The following OR6K3 variants were observed in gnomAD, a reference collection of about 807,000 sequenced individuals.
The protein encoded by OR6K3 is olfactory receptor 6K3.
For synonymous variants in OR6K3, 169 were observed against 137.7 expected (o/e 1.23, Z -1.59); for missense variants, 396 against 382.5 (o/e 1.04, Z -0.29).
upstream of OR6K3, among the ~76,000 whole-genome samples, chr1:158,722,292 T>C (rs977433743): frequency 6.6e-6 from 1 of 152,038 alleles, no homozygotes; most frequent in Non-Finnish European, 1.5e-5. Context: ...TGGAAATATC[T>C]GCCACGAAGT....
At position 158,718,037 on chromosome 1, in the gene OR6K3, A is replaced by G. The variant is rs1404427874; in HGVS notation, c.79T>C (p.Tyr27His). ...TAGATGAAAAGTAAAGGAAAGAAGT[A>G]CAGGAGACTACCATCCTGAAGCTGA... is the stretch of plus-strand genomic sequence containing the variant. ...FPQLQDGSLL[Y>H]FFPLLFIYTF... is the part of the protein sequence containing the mutation. The change falls in exon 2 of 2, where the codon TAC becomes CAC. Residue 27 changes from tyrosine to histidine, a missense_variant. Transcript: ENST00000368145. The G allele has an allele frequency of 3.7e-6, 6 of 1,612,804 alleles. No homozygotes were observed. In the African/African-American group the frequency reaches 4.0e-5, roughly 11 times the overall value.
chr1:158,721,553 T>C (rs1310920816), upstream of OR6K3, among the ~76,000 whole-genome samples: 2 of 151,970 alleles, frequency 1.3e-5, no homozygotes, highest in Non-Finnish European at 2.9e-5. Context: ...GTAGGTTTTT[T>C]TTAATTCAAA....
At chr1:158,720,791 G>C (rs931902298), upstream of OR6K3, 2 of 151,960 alleles carry the variant, frequency 1.3e-5, no homozygotes, top group African/African-American at 2.4e-5. Context: ...GGCATCCAGG[G>C]AATAACAGGA....
At position 158,717,696 on chromosome 1, in the gene OR6K3, G is replaced by A. The variant is rs148533540; in HGVS notation, c.420C>T (p.Leu140=). ...LRYQMIMTPR[L]CAQLSAGSCL... ...AGGAACCTGCAGAGAGTTGAGCACA[G>A]AGCCGGGGGGTCATGATCATTTGAT... The change falls in exon 2 of 2, where the codon CTC becomes CTT. Residue 140 remains leucine, a synonymous_variant. Transcript: ENST00000368145. The A allele has an allele frequency of 2.8e-4, 448 of 1,613,812 alleles. No individual in the cohort carries two copies. Among genetic ancestry groups the A allele is most frequent in the Non-Finnish European group, 3.4e-4 (404 of 1,179,848 alleles).
upstream of OR6K3, chr1:158,720,767 T>G (rs753055185): frequency 7.2e-5 from 11 of 151,998 alleles, no homozygotes; most frequent in Non-Finnish European, 1.5e-4. Context: ...AAGGGATTTA[T>G]AGTCTCTCCA....
At chr1:158,721,536 C>T (rs1253574984), upstream of OR6K3, among the ~76,000 whole-genome samples, 1 of 151,768 alleles carries the variant, frequency 6.6e-6, no homozygotes, top group Non-Finnish European at 1.5e-5. Context: ...TTTTGGTTGT[C>T]TAACTTGTAG....
chr1:158,719,070 C>T (rs1322824036), intron 1 of OR6K3, among the ~76,000 whole-genome samples: 1 of 151,988 alleles, frequency 6.6e-6, no homozygotes, highest in African/African-American at 2.4e-5. Flanking sequence ...CTCTGGCACT[C>T]GACACTTTTC....
intron 1 of OR6K3, 133 bp from the exon 2 acceptor site, chr1:158,718,265 C>A (rs935665704): frequency 1.0e-4 from 57 of 572,156 alleles, no homozygotes; most frequent in South Asian, 4.2e-4. Flanking sequence ...ACTTTAAACT[C>A]ATGTACATAT....
At chr1:158,719,612 T>C (rs1422728142) in intron 1 of OR6K3, among the ~76,000 whole-genome samples, 1 of 151,974 alleles carries the variant, frequency 6.6e-6, no homozygotes, top group Non-Finnish European at 1.5e-5. Context: ...AAAAGCAATA[T>C]ATACTGCTGG....
At chr1:158,718,483 TA>T in intron 1 of OR6K3, among the ~76,000 whole-genome samples, 1 of 151,500 alleles carries the variant, frequency 6.6e-6, no homozygotes, top group South Asian at 2.1e-4. Flanking sequence ...AAAAACTAGT[TA>T]AAATTATTTT....
chr1:158,717,520 T>C lies in OR6K3; in HGVS notation c.596A>G (p.Asp199Gly). The part of the protein sequence containing the change: ...CTDTSMILIE[D>G]VIHAVTIIIT... ...GATGATGGTCACAGCATGAATCACATCCTCAATCAGAATCATGGACGTGTC... is the reference window on the plus strand; with the variant it reads ...GATGATGGTCACAGCATGAATCACACCCTCAATCAGAATCATGGACGTGTC... The change falls in exon 2 of 2, where the codon GAT (aspartate) becomes GGT (glycine). Residue 199 changes from aspartate to glycine, a missense_variant. By Grantham distance (94) the Asp-to-Gly change is moderately conservative. Transcript: ENST00000368145. The C allele has an allele frequency of 6.2e-7, 1 of 1,613,668 alleles. No homozygotes were observed. The highest frequency in any genetic ancestry group is 1.1e-5 in the South Asian group (1 of 91,058).
At chr1:158,723,167 C>A (rs1055477091), upstream of OR6K3, among the ~76,000 whole-genome samples, 1 of 151,840 alleles carries the variant, frequency 6.6e-6, no homozygotes, top group Non-Finnish European at 1.5e-5. Flanking sequence ...ATTTTAAAGG[C>A]AGCAAAAGTG....
chr1:158,716,528 A>G lies in OR6K3; in HGVS notation c.*640T>C, dbSNP rs1462918730. ...TCTAAGATGTGTTACCTAAATAGAC[A>G]CATACTACCACAGAGCACATTGTCA... On this transcript the variant is annotated 3_prime_UTR_variant, in exon 2 of 2. Transcript: ENST00000368145. The G allele has an allele frequency of 6.6e-6, 1 of 152,076 alleles. No homozygotes were observed. Among genetic ancestry groups the G allele is most frequent in the Admixed American group, 6.6e-5 (1 of 15,246 alleles). The allele number at this position is 152,076 out of a possible 1,614,324, so 9.4% of individuals were successfully genotyped here. A position where few individuals can be genotyped will look rare whatever the true frequency, so the allele number is the denominator to read the frequency against.
upstream of OR6K3, chr1:158,724,670 G>T: frequency 4.4e-6 from 1 of 227,680 alleles, no homozygotes. Context: ...GTTGGGTAGC[G>T]GAGAGGGTTA....
intron 1 of OR6K3, among the ~76,000 whole-genome samples, chr1:158,719,808 A>G (rs1275081203): frequency 6.6e-6 from 1 of 152,082 alleles, no homozygotes; most frequent in African/African-American, 2.4e-5. Context: ...TATAATAACA[A>G]TAGAATTGTA....
upstream of OR6K3, among the ~76,000 whole-genome samples, chr1:158,722,710 G>A (rs1656309785): frequency 6.6e-6 from 1 of 151,922 alleles, no homozygotes; most frequent in Non-Finnish European, 1.5e-5. Context: ...TTTAACTTTG[G>A]AGGTCAATTG....
chr1:158,724,967 A>G (rs566346550), upstream of OR6K3: 14 of 160,532 alleles, frequency 8.7e-5, no homozygotes, highest in South Asian at 1.6e-3. Context: ...TAGATAACAA[A>G]CAATGGAATG....
intron 1 of OR6K3, among the ~76,000 whole-genome samples, chr1:158,718,625 T>G (rs1360163713): frequency 1.1e-4 from 17 of 151,332 alleles, no homozygotes; most frequent in Admixed American, 1.1e-3. Flanking sequence ...AAAGTATGAA[T>G]ACGAATAAAC....
Position 158,719,724 on chromosome 1 carries a change from C to A in OR6K3, c.-18+959G>T, listed in dbSNP as rs370423671. Among the ~76,000 whole-genome samples, 31 of 152,154 alleles carry A rather than the reference C, an allele frequency of 2.0e-4. 2 individuals carry two copies. The highest frequency in any genetic ancestry group is 1.9e-3 in the East Asian group (10 of 5,158). ...ATGAAGTTACTTAGCTTCTCTATGC[C>A]TTTAATATCTCATTTGTAAAACTGA... On this transcript the variant is annotated intron_variant, in intron 1 of 1. Transcript: ENST00000368145.
Sources: gnomAD v4.1 joint callset for allele counts (sites outside exome capture counted in the v4.1 genomes callset) on GRCh38, gnomAD v4.1.1 for gene constraint, MANE v1.5 for transcripts, NCBI Gene and HGNC (gene_info 2026-07-23, HGNC 2026-07-21) for gene names.